The following PDE1A variants were observed in gnomAD, a reference collection of about 807,000 sequenced individuals.
PDE1A encodes phosphodiesterase 1A, also known as dual specificity calcium/calmodulin-dependent 3',5'-cyclic nucleotide phosphodiesterase 1A.
In PDE1A, 35 loss-of-function variants were observed where a neutral mutation model predicts 61.7. That is an observed-to-expected ratio of 0.57 (90% CI 0.43 to 0.75). PDE1A has a LOEUF of 0.75. Among genes scored for constraint, PDE1A ranks in the 30% least tolerant of loss-of-function variants. The pLI, the probability that PDE1A is intolerant of heterozygous loss-of-function variation, is 0.00. For synonymous variants in PDE1A, 232 were observed against 213.2 expected (o/e 1.09, Z -0.77); for missense variants, 597 against 630.6 (o/e 0.95, Z 0.57).
chr2:182,371,757 T>A (rs1700138499), intron 1 of PDE1A, among the ~76,000 whole-genome samples: 1 of 152,142 alleles, frequency 6.6e-6, no homozygotes. Context: ...TGATAAATGT[T>A]AAAATGACCT....
At chr2:182,589,102 C>A in the PDE1A span, among the ~76,000 whole-genome samples, 1 of 146,666 alleles carries the variant, frequency 6.8e-6, no homozygotes, top group Non-Finnish European at 1.5e-5. Context: ...TTTTAATGAT[C>A]TTTTGACACA....
chr2:182,530,645 G>T, the PDE1A span, among the ~76,000 whole-genome samples: 1 of 152,108 alleles, frequency 6.6e-6, no homozygotes, highest in Admixed American at 6.5e-5. Flanking sequence ...TACAAGAAAA[G>T]ATCTGTCAAA....
the PDE1A span, among the ~76,000 whole-genome samples, chr2:182,661,039 G>A: frequency 6.6e-6 from 1 of 152,244 alleles, no homozygotes; most frequent in East Asian, 1.9e-4. Flanking sequence ...TTTTGAAGAA[G>A]GCATACACAA....
At chr2:182,586,853 T>C in the PDE1A span, among the ~76,000 whole-genome samples, 7 of 152,174 alleles carry the variant, frequency 4.6e-5, no homozygotes, top group Non-Finnish European at 1.0e-4. Context: ...ACTACAATAG[T>C]AAGAAAGATA....
At chr2:182,693,557 A>T in the PDE1A span, among the ~76,000 whole-genome samples, 4 of 151,166 alleles carry the variant, frequency 2.6e-5, no homozygotes, top group South Asian at 8.4e-4. Context: ...TATTCTGGAC[A>T]CTAGACCCTT....
chr2:182,515,940 G>C (rs188272705), intron 2 of PDE1A, among the ~76,000 whole-genome samples: 1 of 119,602 alleles, frequency 8.4e-6, no homozygotes, highest in Non-Finnish European at 1.8e-5. Flanking sequence ...GGGATTGTGC[G>C]TGTGTGTGTG....
At chr2:182,571,565 G>A in the PDE1A span, among the ~76,000 whole-genome samples, 1 of 151,950 alleles carries the variant, frequency 6.6e-6, no homozygotes, top group Non-Finnish European at 1.5e-5. Flanking sequence ...TAAAATACAA[G>A]AACTGCTTAT....
chr2:182,544,104 T>C, the PDE1A span, among the ~76,000 whole-genome samples: 1 of 152,144 alleles, frequency 6.6e-6, no homozygotes, highest in South Asian at 2.1e-4. Context: ...CTAACCTTCT[T>C]AAAAATAAGT....
chr2:182,226,750 T>C (rs1276959166), intron 6 of PDE1A, among the ~76,000 whole-genome samples: 1 of 149,828 alleles, frequency 6.7e-6, no homozygotes, highest in Non-Finnish European at 1.5e-5. Flanking sequence ...AGAGGATAAA[T>C]CATGAGCAAT....
At chr2:182,632,627 A>G in the PDE1A span, among the ~76,000 whole-genome samples, 1 of 152,166 alleles carries the variant, frequency 6.6e-6, no homozygotes, top group African/African-American at 2.4e-5. Flanking sequence ...TTCTAGACTT[A>G]TGAAAATGTC....
chr2:182,171,465 T>C (rs917322907), intron 13 of PDE1A, among the ~76,000 whole-genome samples: 9 of 151,538 alleles, frequency 5.9e-5, no homozygotes, highest in African/African-American at 1.9e-4. Flanking sequence ...TTCTGAAAAA[T>C]TGGGAGTATT....
chr2:182,157,644 C>A (rs1039228518), intron 13 of PDE1A, among the ~76,000 whole-genome samples: 4 of 152,100 alleles, frequency 2.6e-5, no homozygotes, highest in Non-Finnish European at 4.4e-5. Context: ...CACTTACAAT[C>A]TTTACCAACC....
At chr2:182,155,564 C>A (rs1691033035) in intron 13 of PDE1A, among the ~76,000 whole-genome samples, 1 of 152,066 alleles carries the variant, frequency 6.6e-6, no homozygotes, top group African/African-American at 2.4e-5. Context: ...TTGGCTGTGT[C>A]CCCACCTATA....
intron 13 of PDE1A, among the ~76,000 whole-genome samples, chr2:182,152,906 T>C (rs1559118599): frequency 6.6e-6 from 1 of 152,144 alleles, no homozygotes. Context: ...CCCTGTAAAA[T>C]TAGAGCAAGT....
At chr2:182,635,947 A>AT in the PDE1A span, among the ~76,000 whole-genome samples, 1,197 of 55,266 alleles carry the variant, frequency 0.022, 166 homozygotes, top group South Asian at 0.029. Context: ...TCTCACCGGT[A>AT]TTTTTTTTTT....
intron 1 of PDE1A, among the ~76,000 whole-genome samples, chr2:182,364,941 C>T (rs903501252): frequency 5.9e-5 from 9 of 152,012 alleles, no homozygotes; most frequent in Non-Finnish European, 1.2e-4. Flanking sequence ...AATACATCTG[C>T]TGCTCTAACC....
intron 13 of PDE1A, among the ~76,000 whole-genome samples, chr2:182,158,480 C>T (rs917628932): frequency 1.3e-5 from 2 of 152,190 alleles, no homozygotes; most frequent in East Asian, 1.9e-4. Context: ...TTCTCTGAAT[C>T]AGCAGACATG....
chr2:182,292,179 A>G (rs1285007430), intron 1 of PDE1A, among the ~76,000 whole-genome samples: 1 of 148,148 alleles, frequency 6.8e-6, no homozygotes, highest in African/African-American at 2.5e-5. Context: ...TTCTTTTTAT[A>G]AGCTTCTGAA....
At chr2:182,475,125 G>A (rs1687270678) in intron 2 of PDE1A, among the ~76,000 whole-genome samples, 1 of 151,868 alleles carries the variant, frequency 6.6e-6, no homozygotes, top group East Asian at 1.9e-4. Flanking sequence ...TAAAAGCTTA[G>A]ACACTTTCAG....
Sources: gnomAD v4.1 joint callset for allele counts (sites outside exome capture counted in the v4.1 genomes callset) on GRCh38, gnomAD v4.1.1 for gene constraint, MANE v1.5 for transcripts, NCBI Gene and HGNC (gene_info 2026-07-23, HGNC 2026-07-21) for gene names.